Variants in LIMA1 observed in about 807,000 individuals in gnomAD.
LIMA1 encodes the protein LIM domain and actin-binding protein 1.
A neutral mutation model predicts 62.6 loss-of-function variants in LIMA1; 52 were observed. The observed-to-expected ratio is 0.83, with a 90% CI of 0.67 to 1.05. The LOEUF is 1.05. Among genes scored for constraint, LIMA1 ranks in the 50% least tolerant of loss-of-function variants. The pLI is 0.00. For synonymous variants in LIMA1, 302 were observed against 317.8 expected (o/e 0.95, Z 0.53); for missense variants, 780 against 902.2 (o/e 0.86, Z 1.74).
chr12:50,217,493 C>CTTT (rs76180466), intron 4 of LIMA1, among the ~76,000 whole-genome samples: 1 of 142,534 alleles, frequency 7.0e-6, no homozygotes, highest in African/African-American at 2.6e-5. Context: ...GAAGTAAAAT[C>CTTT]TTTTTTTTTT....
chr12:50,273,107 T>C (rs1942235123), intron 1 of LIMA1, among the ~76,000 whole-genome samples: 1 of 151,420 alleles, frequency 6.6e-6, no homozygotes. Flanking sequence ...AGCCTTACTC[T>C]CTCTCCCAGG....
rs374529313 is a variant in LIMA1 at position 50,177,631 on chromosome 12, G to C, written c.1713C>G (p.Val571=). The change falls in exon 11 of 11, where the codon GTC becomes GTG. Residue 571 remains valine, a synonymous_variant. Transcript: ENST00000341247. ...EISKPEVPED[V]DLDLKKLRRS... is the part of the protein sequence containing the mutation. ...GTCTTAGCTTCTTCAGATCTAGATC[G>C]ACATCCTCAGGAACTTCGGGCTTGC... 6.2e-7 allele frequency: 1 copy of C among 1,608,546 alleles called. No individual in the cohort carries two copies. The highest frequency in any genetic ancestry group is 1.7e-5 in the Admixed American group (1 of 58,976).
chr12:50,272,546 C>T (rs1205764846), intron 1 of LIMA1, among the ~76,000 whole-genome samples: 6 of 145,430 alleles, frequency 4.1e-5, no homozygotes, highest in Non-Finnish European at 6.0e-5. Context: ...GAGCCGAGCT[C>T]GTGCCATTGC....
intron 5 of LIMA1, 122 bp downstream of exon 5, chr12:50,205,862 A>T: frequency 3.9e-6 from 2 of 512,346 alleles, no homozygotes; most frequent in Non-Finnish European, 6.7e-6. Context: ...TGCATCTAAT[A>T]GGCAGACTTC....
intron 6 of LIMA1, 70 bp downstream of exon 6, chr12:50,204,482 A>C (rs1941114103): frequency 2.0e-6 from 3 of 1,504,346 alleles, no homozygotes; most frequent in Non-Finnish European, 2.7e-6. Flanking sequence ...ACATTTCCTA[A>C]TTCCAGTACT....
chr12:50,272,409 G>A (rs1942223492), intron 1 of LIMA1, among the ~76,000 whole-genome samples: 1 of 151,658 alleles, frequency 6.6e-6, no homozygotes. Flanking sequence ...GACCAACATG[G>A]AGAAACGCCG....
chr12:50,195,718 A>T, intron 8 of LIMA1, 112 bp downstream of exon 8: 2 of 1,038,554 alleles, frequency 1.9e-6, no homozygotes, highest in South Asian at 1.7e-5. Flanking sequence ...AAATTCAAGT[A>T]GAGGATTTAC....
At chr12:50,281,403 T>C (rs976564221) in intron 1 of LIMA1, among the ~76,000 whole-genome samples, 2 of 152,164 alleles carry the variant, frequency 1.3e-5, no homozygotes, top group African/African-American at 2.4e-5. Context: ...GTCACCAAGA[T>C]GTGAATTGTT....
Position 50,177,819 on chromosome 12 carries a change from C to G in LIMA1, c.1525G>C (p.Glu509Gln), listed in dbSNP as rs1170938274. 6.2e-7 allele frequency: 1 copy of G among 1,613,682 alleles called. No homozygotes were observed. The highest frequency in any genetic ancestry group is 8.5e-7 in the Non-Finnish European group (1 of 1,179,808). The change falls in exon 11 of 11, where the codon GAA (glutamate) becomes CAA (glutamine). Residue 509 changes from glutamate (E) to glutamine (Q), a missense_variant. Coordinates refer to ENST00000341247, the MANE Select transcript of LIMA1 (RefSeq NM_016357.5). ...AKVGVLAASM[E>Q]AKASSQQEKE... ...TCCTGCTGAGAGGAGGCCTTGGCTT[C>G]CATACTTGCAGCCAGGACACCCACC...
At chr12:50,233,248 C>G (rs530770686) in intron 2 of LIMA1, among the ~76,000 whole-genome samples, 31 of 152,326 alleles carry the variant, frequency 2.0e-4, no homozygotes, top group Middle Eastern at 3.4e-3. Flanking sequence ...CTCTAAGCCT[C>G]AGTTTCCTTA....
At chr12:50,185,823 T>G (rs1475626113) in intron 9 of LIMA1, 1 of 202,246 alleles carries the variant, frequency 4.9e-6, no homozygotes, top group Non-Finnish European at 1.0e-5. Flanking sequence ...GTTAATAGAT[T>G]GCTAGCTCAC....
At chr12:50,239,592 A>G (rs1367171734) in intron 2 of LIMA1, among the ~76,000 whole-genome samples, 3 of 152,120 alleles carry the variant, frequency 2.0e-5, no homozygotes, top group Admixed American at 6.6e-5. Flanking sequence ...GTGAGCCAAG[A>G]TAGCACCACC....
chr12:50,239,916 C>A (rs1219465596), intron 2 of LIMA1, among the ~76,000 whole-genome samples: 5 of 151,882 alleles, frequency 3.3e-5, no homozygotes, highest in African/African-American at 1.2e-4. Context: ...ATCACCTGAG[C>A]CCAGGAATTT....
intron 1 of LIMA1, among the ~76,000 whole-genome samples, chr12:50,251,732 G>A (rs919380318): frequency 3.9e-5 from 6 of 151,954 alleles, no homozygotes; most frequent in Admixed American, 6.6e-5. Flanking sequence ...GTCTAAGTCC[G>A]TGGTTTTGAT....
At position 50,222,480 on chromosome 12, in the gene LIMA1, G is replaced by A. The variant is rs745370558; in HGVS notation, c.171C>T (p.Thr57=). The A allele has an allele frequency of 3.1e-6, 5 of 1,613,854 alleles. No homozygotes were observed. Among genetic ancestry groups the A allele is most frequent in the African/African-American group, 2.7e-5 (2 of 75,020 alleles). The change falls in exon 4 of 11, where the codon ACC becomes ACT. Residue 57 remains threonine, a synonymous_variant. Transcript: ENST00000341247. ...TTCTAAAGTGCTGGGAGAGATTTTC[G>A]GTGTTCTAGAAGAACAAGAAGTAGA... ...ETNMEKKRSN[T]ENLSQHFRKG... is the part of the protein sequence containing the mutation.
chr12:50,237,059 C>T (rs1941707194), intron 2 of LIMA1, among the ~76,000 whole-genome samples: 1 of 152,112 alleles, frequency 6.6e-6, no homozygotes, highest in African/African-American at 2.4e-5. Context: ...TCTTTAATAT[C>T]TGCCAAAATT....
At chr12:50,251,505 C>T (rs1469569003) in intron 1 of LIMA1, among the ~76,000 whole-genome samples, 1 of 151,572 alleles carries the variant, frequency 6.6e-6, no homozygotes, top group Non-Finnish European at 1.5e-5. Context: ...CCTGTAATCC[C>T]AGCTACTTGA....
At chr12:50,258,301 TG>T (rs1342205762) in intron 1 of LIMA1, among the ~76,000 whole-genome samples, 9 of 52,582 alleles carry the variant, frequency 1.7e-4, no homozygotes, top group Non-Finnish European at 3.4e-4. Context: ...CACTGCTTTT[TG>T]TGTGTGTGTG....
intron 3 of LIMA1, among the ~76,000 whole-genome samples, chr12:50,224,851 C>T (rs1454495148): frequency 6.6e-6 from 1 of 151,710 alleles, no homozygotes; most frequent in East Asian, 1.9e-4. Flanking sequence ...CCCACCTCAG[C>T]CTCCTGAGTA....
Sources: allele counts gnomAD v4.1 joint callset (sites outside exome capture counted in the v4.1 genomes callset), GRCh38; gene constraint gnomAD v4.1.1; transcripts MANE v1.5; gene names NCBI Gene and HGNC (gene_info 2026-07-23, HGNC 2026-07-21).